The following FAT2 variants were observed in gnomAD, a reference collection of about 807,000 sequenced individuals.
The protein encoded by FAT2 is FAT atypical cadherin 2.
FAT2 carries 150 observed loss-of-function variants against 295.3 expected under a neutral mutation model. The ratio of observed to expected loss-of-function variants is 0.51; its 90% CI spans 0.44 to 0.58. FAT2 has a LOEUF of 0.58. Among genes scored for constraint, FAT2 ranks in the 20% least tolerant of loss-of-function variants. The probability of loss-of-function intolerance (pLI) is 0.00; values close to 1 mark genes in which losing one functional copy is unlikely to be tolerated. For synonymous variants in FAT2, 2,026 were observed against 2,150.3 expected (o/e 0.94, Z 1.60); for missense variants, 4,868 against 5,442.7 (o/e 0.89, Z 3.32).
Position 151,550,782 on chromosome 5 carries a change from C to G in FAT2, c.4386G>C (p.Val1462=). 6.2e-7 allele frequency: 1 copy of G among 1,614,050 alleles called. No individual in the cohort carries two copies. The part of the protein sequence containing the change: ...RYEVRVPQDT[V]PGVELLRVQA... ...GGACTCGCAGGAGCTCTACCCCTGGCACGGTGTCCTGGGGAACTCTGACTT... is the reference window on the plus strand; with the variant it reads ...GGACTCGCAGGAGCTCTACCCCTGGGACGGTGTCCTGGGGAACTCTGACTT... The change falls in exon 8 of 24, where the codon GTG becomes GTC. Residue 1462 remains valine, a synonymous_variant. Coordinates refer to ENST00000261800, the MANE Select transcript of FAT2 (RefSeq NM_001447.3).
At position 151,543,306 on chromosome 5, in the gene FAT2, C is replaced by T; in HGVS notation, c.7821G>A (p.Val2607=). 1 of 1,614,230 alleles carries T rather than the reference C, an allele frequency of 6.2e-7. No homozygotes were observed. The highest frequency in any genetic ancestry group is 8.5e-7 in the Non-Finnish European group (1 of 1,180,030). Residue 2607 remains valine, a synonymous_variant, in exon 10 of 24, where the codon GTG becomes GTA. Coordinates refer to ENST00000261800, the MANE Select transcript of FAT2 (RefSeq NM_001447.3). The part of the protein sequence containing the change: ...NVSKDSPVIQ[V]LAYDADEGQN... ...GACCTTCATCTGCATCATAGGCCAA[C>T]ACCTGGATAACCGGAGAGTCTTTAC...
At chr5:151,534,970 A>ATAT (rs1755078921) in intron 12 of FAT2, among the ~76,000 whole-genome samples, 13 of 106,372 alleles carry the variant, frequency 1.2e-4, no homozygotes, top group Non-Finnish European at 1.7e-4. Flanking sequence ...CTTCTAGGAA[A>ATAT]ATATATATAT....
chr5:151,509,874 G>T (rs1431795480), intron 22 of FAT2, 147 bp downstream of exon 22: 16 of 896,442 alleles, frequency 1.8e-5, no homozygotes, highest in African/African-American at 3.3e-5. Flanking sequence ...AAAGGTTGGG[G>T]ACCACTGCCC....
chr5:151,532,380 C>T (rs528910715), intron 13 of FAT2, among the ~76,000 whole-genome samples: 9 of 104,026 alleles, frequency 8.7e-5, no homozygotes, highest in East Asian at 5.3e-4. Flanking sequence ...ACTAAGTGTG[C>T]GTGTACAAAC....
chr5:151,551,642 C>G (rs1291769131), intron 6 of FAT2, 36 bp from the exon 7 acceptor site: 2 of 1,612,156 alleles, frequency 1.2e-6, no homozygotes, highest in East Asian at 4.5e-5. Flanking sequence ...CACACAACCT[C>G]AGTGATTTAG....
intron 20 of FAT2, among the ~76,000 whole-genome samples, chr5:151,516,877 A>G (rs1352370703): frequency 6.6e-6 from 1 of 152,086 alleles, no homozygotes; most frequent in Non-Finnish European, 1.5e-5. Flanking sequence ...ATGCCGAGGC[A>G]GGCGGATCAC....
intron 19 of FAT2, among the ~76,000 whole-genome samples, chr5:151,520,895 A>G (rs1303035356): frequency 6.6e-6 from 1 of 152,236 alleles, no homozygotes; most frequent in Non-Finnish European, 1.5e-5. Flanking sequence ...GATACATAGT[A>G]CTGATGTAAT....
chr5:151,538,401 A>G (rs1442321264), intron 11 of FAT2, among the ~76,000 whole-genome samples: 2 of 152,132 alleles, frequency 1.3e-5, no homozygotes, highest in African/African-American at 4.8e-5. Context: ...CATGCTATTA[A>G]GCTCATCTCC....
intron 9 of FAT2, among the ~76,000 whole-genome samples, chr5:151,547,745 A>G (rs987353653): frequency 2.6e-5 from 4 of 152,338 alleles, no homozygotes; most frequent in Admixed American, 2.0e-4. Context: ...TTTATTATAT[A>G]ATATCACACT....
rs144772384 is a variant in FAT2 at position 151,529,325 on chromosome 5, G to T, written c.9879C>A (p.Cys3293Ter). The T allele has an allele frequency of 6.2e-7, 1 of 1,614,140 alleles. No individual in the cohort carries two copies. Among genetic ancestry groups the T allele is most frequent in the Non-Finnish European group, 8.5e-7 (1 of 1,180,016 alleles). Residue 3293 changes from cysteine (C) to a stop codon, truncating the protein, a stop_gained, in exon 15 of 24, where the codon TGC becomes TGA. Transcript: ENST00000261800. LOFTEE classifies it high-confidence loss of function. The stretch of plus-strand genomic sequence containing the variant: ...TGAGGGAAGAGGAGCTCTTCCGGCT[G>T]CACTCAATGGACAGGAAGTACTTGG... ...TSPKYFLSIE[C>*]SRKSSSSLSD... is the part of the protein sequence containing the mutation.
chr5:151,543,208 G>A lies in FAT2; in HGVS notation c.7919C>T (p.Thr2640Ile), dbSNP rs767839054. 1.2e-6 allele frequency: 2 copies of A among 1,614,082 alleles called. No individual in the cohort carries two copies. Among genetic ancestry groups the A allele is most frequent in the African/African-American group, 2.7e-5 (2 of 74,916 alleles). Reference protein sequence around the residue: ...VKDVIEINPVTGVVKVKDSLV... With the variant: ...VKDVIEINPVIGVVKVKDSLV... ...GCTGTCTTTCACCTTGACCACACCA[G>A]TGACTGGGTTAATTTCAATGACATC... Residue 2640 changes from threonine to isoleucine, a missense_variant, in exon 10 of 24, where the codon ACT becomes ATT. Thr to Ile is a moderately conservative substitution (Grantham distance 89, BLOSUM62 -1). Coordinates refer to ENST00000261800, the MANE Select transcript of FAT2 (RefSeq NM_001447.3).
At chr5:151,559,273 C>A (rs1439793557) in intron 3 of FAT2, among the ~76,000 whole-genome samples, 1 of 152,130 alleles carries the variant, frequency 6.6e-6, no homozygotes. Context: ...TGAAGTTTGG[C>A]GTGCAAGGGA....
In FAT2 at chr5:151,504,114, A is replaced by ATTGT. The variant is rs1195039593; in HGVS notation, c.*1447_*1450dup. On this transcript the variant is annotated 3_prime_UTR_variant, in exon 24 of 24. Transcript: ENST00000261800. ...AAATAACAGTAAAAAAAGATACTTT[A>ATTGT]TTGTTAAAAAAAAAATGACCAATGA... 1 of 147,562 alleles carries ATTGT rather than the reference A, an allele frequency of 6.8e-6. No homozygotes were observed. The highest frequency in any genetic ancestry group is 1.5e-5 in the Non-Finnish European group (1 of 65,022). The allele number at this position is 147,562 out of a possible 1,614,324, so 9.1% of individuals were successfully genotyped here.
Position 151,517,687 on chromosome 5 carries a change from T to G in FAT2, c.11396A>C (p.Tyr3799Ser), listed in dbSNP as rs1753007298. The G allele has an allele frequency of 6.2e-7, 1 of 1,614,016 alleles. No individual in the cohort carries two copies. Among genetic ancestry groups the G allele is most frequent in the South Asian group, 1.1e-5 (1 of 91,072 alleles). Residue 3799 changes from tyrosine to serine, a missense_variant, in exon 20 of 24, where the codon TAT (tyrosine) becomes TCT (serine). Around this residue, in one of 5 missense-constraint regions of FAT2, gnomAD observed 1,046 missense variants for 1,210.1 expected, o/e 0.86. Transcript: ENST00000261800. ...GGCCTGTGGCTGGAGTGTTTTCAGA[T>G]AGAAATGGATGTGCCAGTTCCGAGC... ...PAARNWHIHF[Y>S]LKTLQPQAIL...
At chr5:151,591,891 G>C (rs1759425816), upstream of FAT2, among the ~76,000 whole-genome samples, 1 of 152,190 alleles carries the variant, frequency 6.6e-6, no homozygotes, top group African/African-American at 2.4e-5. Context: ...AAACCAGTCA[G>C]GACTTAGCTG....
intron 1 of FAT2, among the ~76,000 whole-genome samples, chr5:151,588,367 T>C (rs558009321): frequency 1.3e-5 from 2 of 152,342 alleles, no homozygotes; most frequent in South Asian, 4.1e-4. Flanking sequence ...GTCCAAGTTC[T>C]GCATAGTGGT....
rs1317845219 is a variant in FAT2 at position 151,531,763 on chromosome 5, T to C, written c.9635A>G (p.Glu3212Gly). The change falls in exon 14 of 24, where the codon GAA becomes GGA. Residue 3212 changes from glutamate (E) to glycine (G), a missense_variant. Physicochemically the swap from Glu to Gly is moderately conservative, Grantham distance 98. This residue lies in a region of FAT2 where 1,046 missense variants were observed against 1,210.1 expected (regional missense o/e 0.86). Coordinates refer to ENST00000261800, the MANE Select transcript of FAT2 (RefSeq NM_001447.3). This position sits in a 1 kb window ranked among gnomAD's most constrained non-coding sequence, Gnocchi z 5.7. ...GTTCAGGAACACGGGCAGGTAGTCT[T>C]CTAGGCCCACCACCGAGACTGTGAC... Reference protein sequence around the residue: ...GTVTVSVVGLEDYLPVFLNTE... With the variant: ...GTVTVSVVGLGDYLPVFLNTE... 2 of 1,585,556 alleles carry C rather than the reference T, an allele frequency of 1.3e-6. No individual in the cohort carries two copies. Among genetic ancestry groups the C allele is most frequent in the African/African-American group, 1.5e-5 (1 of 66,964 alleles).
In FAT2 at chr5:151,566,420, T is replaced by G. The variant is rs750396706; in HGVS notation, c.2512A>C (p.Thr838Pro). ...TCTTTGGTTGTCAGCTCTGCAATTG[T>G]GGTTCCAACTTCTGTGTCCTCCGAG... is the stretch of plus-strand genomic sequence containing the variant. ...TISEDTEVGT[T>P]IAELTTKDAD... Residue 838 changes from threonine to proline, a missense_variant, in exon 2 of 24, where the codon ACA (threonine) becomes CCA (proline). By Grantham distance (38) the Thr-to-Pro change is conservative (BLOSUM62 -1). Coordinates refer to ENST00000261800, the MANE Select transcript of FAT2 (RefSeq NM_001447.3). The G allele has an allele frequency of 6.2e-7, 1 of 1,613,694 alleles. No homozygotes were observed. The highest frequency in any genetic ancestry group is 1.7e-5 in the Admixed American group (1 of 60,018).
chr5:151,528,922 C>T (rs750517095), intron 15 of FAT2, among the ~76,000 whole-genome samples: 1 of 152,188 alleles, frequency 6.6e-6, no homozygotes, highest in Admixed American at 6.5e-5. Context: ...TAACAAACCT[C>T]GCCTATCCCA....
Sources: allele counts gnomAD v4.1 joint callset (sites outside exome capture counted in the v4.1 genomes callset), GRCh38; gene constraint gnomAD v4.1.1; regional missense constraint gnomAD v4.1.1; non-coding constraint Gnocchi (gnomAD v3.1); transcripts MANE v1.5; gene names NCBI Gene and HGNC (gene_info 2026-07-23, HGNC 2026-07-21).